The following SPIDR variants were observed in gnomAD, a reference collection of about 807,000 sequenced individuals.
The protein encoded by SPIDR is scaffold protein involved in DNA repair.
SPIDR carries 93 observed loss-of-function variants against 104.6 expected under a neutral mutation model. The observed-to-expected ratio is 0.89, with a 90% CI of 0.75 to 1.06. The LOEUF (loss-of-function observed/expected upper bound fraction) is 1.06, where lower values mean the gene tolerates loss of function less well. Ranked by LOEUF, SPIDR falls within the 50% of genes least tolerant of loss-of-function variation. The probability of loss-of-function intolerance (pLI) is 0.00; values close to 1 mark genes in which losing one functional copy is unlikely to be tolerated. For synonymous variants in SPIDR, 431 were observed against 416.9 expected, an observed-to-expected ratio of 1.03 and a Z score of -0.41; for missense variants, 1,154 against 1,111.2, an observed-to-expected ratio of 1.04 and a Z score of -0.55.
At chr8:47,622,328 T>C (rs2065281158) in intron 10 of SPIDR, among the ~76,000 whole-genome samples, 1 of 152,200 alleles carries the variant, frequency 6.6e-6, no homozygotes, top group African/African-American at 2.4e-5. Flanking sequence ...GGAGAAGGTT[T>C]AGACTTGAAG....
chr8:47,735,111 GGTGTGT>G (rs202076247), intron 19 of SPIDR, among the ~76,000 whole-genome samples, 190 bp from the exon 20 acceptor site: 94 of 135,182 alleles, frequency 7.0e-4, no homozygotes, highest in Non-Finnish European at 1.1e-3. Context: ...TGTGTGTGTG[GGTGTGT>G]GTGTGTGTGT....
chr8:47,713,045 G>T, intron 15 of SPIDR, 173 bp downstream of exon 15: 1 of 1,375,576 alleles, frequency 7.3e-7, no homozygotes. Context: ...CCCTGTAGCA[G>T]CCACCTGGGC....
At chr8:47,556,895 C>T (rs549079425) in intron 8 of SPIDR, among the ~76,000 whole-genome samples, 25 of 152,256 alleles carry the variant, frequency 1.6e-4, no homozygotes, top group East Asian at 3.9e-4. Context: ...TGAACCACCG[C>T]GCCCAGCCAG....
At position 47,562,964 on chromosome 8, in the gene SPIDR, T is replaced by C. The variant is rs146158337; in HGVS notation, c.1098-32847T>C. ...TTAACTCTGTTTTGATGTATGACAA[T>C]TTTTTTTGGCAAATATGCTTCCCAG... On this transcript the variant is annotated intron_variant, in intron 8 of 19. Transcript: ENST00000297423. Among the ~76,000 whole-genome samples, 103 of 151,932 alleles carry C rather than the reference T, an allele frequency of 6.8e-4. 3 individuals are homozygous for C. The East Asian group carries it at 0.019, about 29-fold the overall frequency.
chr8:47,624,015 A>G (rs1185294314), intron 10 of SPIDR, among the ~76,000 whole-genome samples: 1 of 152,240 alleles, frequency 6.6e-6, no homozygotes, highest in East Asian at 1.9e-4. Flanking sequence ...ATGTAAAAGA[A>G]CAGAAATTAT....
intron 8 of SPIDR, among the ~76,000 whole-genome samples, chr8:47,528,508 A>AT (rs758695149): frequency 3.7e-4 from 56 of 152,164 alleles, no homozygotes; most frequent in South Asian, 3.3e-3. Context: ...TCAGACTAGG[A>AT]TTTTTTTTAA....
intron 5 of SPIDR, among the ~76,000 whole-genome samples, chr8:47,361,117 T>C (rs188559896): frequency 1.3e-5 from 2 of 152,334 alleles, no homozygotes; most frequent in East Asian, 3.9e-4. Context: ...TGCTGTGATC[T>C]CAGGTACCTC....
At chr8:47,466,912 T>TAGATAG (rs1554717609) in intron 8 of SPIDR, among the ~76,000 whole-genome samples, 22 of 113,354 alleles carry the variant, frequency 1.9e-4, no homozygotes, top group Admixed American at 3.4e-4. Flanking sequence ...TATATATATA[T>TAGATAG]ATAGATAGAT....
rs564764154 is a variant in SPIDR at position 47,322,351 on chromosome 8, T to A, written c.525+28321T>A. 1.6e-4 allele frequency among the ~76,000 whole-genome samples: 25 copies of A among 152,348 alleles called. 1 individual carries two copies. In the South Asian group the frequency reaches 5.2e-3, roughly 32 times the overall value. The stretch of plus-strand genomic sequence containing the variant: ...CACTTGAAAAGATGCTCATCATCCC[T>A]GGCCATCAGAGAAATGCAAATCGAA... On this transcript the variant is annotated intron_variant, in intron 5 of 19. Coordinates refer to ENST00000297423, the MANE Select transcript of SPIDR (RefSeq NM_001080394.4).
chr8:47,572,584 C>T (rs1201367869), intron 8 of SPIDR, among the ~76,000 whole-genome samples: 1 of 151,890 alleles, frequency 6.6e-6, no homozygotes, highest in Non-Finnish European at 1.5e-5. Flanking sequence ...ATCACTTGAA[C>T]CCAGGAGGTG....
chr8:47,654,298 C>T, intron 10 of SPIDR: 1 of 578,504 alleles, frequency 1.7e-6, no homozygotes. Context: ...GGGCCACAAG[C>T]AAGGCAAGAC....
chr8:47,602,215 G>A (rs1397861685), intron 10 of SPIDR, among the ~76,000 whole-genome samples: 3 of 152,198 alleles, frequency 2.0e-5, no homozygotes, highest in Non-Finnish European at 4.4e-5. Context: ...CATATGGAAT[G>A]CTCTGTGGGT....
intron 5 of SPIDR, among the ~76,000 whole-genome samples, chr8:47,323,093 A>AAAG (rs573674495): frequency 6.6e-6 from 1 of 151,050 alleles, no homozygotes; most frequent in African/African-American, 2.5e-5. Context: ...TATAATAAAA[A>AAAG]AAGAAGAAGA....
intron 1 of SPIDR, 138 bp downstream of exon 1, chr8:47,261,129 C>A: frequency 9.7e-7 from 1 of 1,025,872 alleles, no homozygotes; most frequent in Non-Finnish European, 1.2e-6. Context: ...GGTGGCGGGT[C>A]CCGTCTGCGC....
intron 8 of SPIDR, among the ~76,000 whole-genome samples, chr8:47,480,014 T>G (rs2076717678): frequency 6.6e-6 from 1 of 152,244 alleles, no homozygotes; most frequent in Non-Finnish European, 1.5e-5. Flanking sequence ...TCATCTCATT[T>G]GAGGCTCAGG....
intron 10 of SPIDR, among the ~76,000 whole-genome samples, chr8:47,631,060 C>T (rs1446055900): frequency 2.6e-5 from 4 of 152,116 alleles, no homozygotes; most frequent in Non-Finnish European, 4.4e-5. Flanking sequence ...GAGGGAGGGA[C>T]GGAGAGAGAC....
At chr8:47,330,663 C>T (rs1465626885) in intron 5 of SPIDR, 2 of 419,854 alleles carry the variant, frequency 4.8e-6, no homozygotes, top group Non-Finnish European at 9.6e-6. Flanking sequence ...TTGAACTTTC[C>T]TCCATGTCTT....
intron 11 of SPIDR, among the ~76,000 whole-genome samples, chr8:47,691,567 C>A (rs1221953662): frequency 1.3e-5 from 2 of 152,140 alleles, no homozygotes; most frequent in Non-Finnish European, 2.9e-5. Context: ...TATCTTATGT[C>A]ATAGAAGAGG....
At chr8:47,704,758 A>G (rs150044962) in intron 14 of SPIDR, among the ~76,000 whole-genome samples, 141 of 152,264 alleles carry the variant, frequency 9.3e-4, no homozygotes, top group African/African-American at 3.3e-3. Context: ...GAAATGGAGA[A>G]TGATTGGCAT....
Sources: allele counts gnomAD v4.1 joint callset (sites outside exome capture counted in the v4.1 genomes callset), GRCh38; gene constraint gnomAD v4.1.1; transcripts MANE v1.5; gene names NCBI Gene and HGNC (gene_info 2026-07-23, HGNC 2026-07-21).